Variants in CST3 observed in about 807,000 individuals in gnomAD.
CST3 encodes the protein cystatin C.
A neutral mutation model predicts 9.0 loss-of-function variants in CST3; 14 were observed. That is an observed-to-expected ratio of 1.56 (90% CI 1.03 to 2.44). The LOEUF is 2.44. Among genes scored for constraint, CST3 ranks in the 30% most tolerant of loss-of-function variants. The pLI, the probability that CST3 is intolerant of heterozygous loss-of-function variation, is 0.00. For missense variants in CST3, 237 were observed against 204.3 expected (o/e 1.16, Z -0.98); for synonymous variants, 96 against 90.2 (o/e 1.06, Z -0.37).
At chr20:23,634,381 AG>A (rs1979577647) in intron 2 of CST3, among the ~76,000 whole-genome samples, 2 of 152,168 alleles carry the variant, frequency 1.3e-5, no homozygotes, top group Admixed American at 1.3e-4. Context: ...GAAGGGCGAG[AG>A]GGAAGAACCC....
rs576640285 is a variant in CST3, at chr20:23,627,437, G to A, written c.*2031C>T. The A allele has an allele frequency of 9.2e-5, 14 of 152,062 alleles. No homozygotes were observed. The South Asian group carries it at 1.0e-3, about 11-fold the overall frequency. The allele number at this position is 152,062 out of a possible 1,614,324, so 9.4% of individuals were successfully genotyped here. On this transcript the variant is annotated 3_prime_UTR_variant, in exon 4 of 4. Coordinates refer to the CST3 transcript ENST00000398411. ...AACACTATATCTTGATTATCCATTC[G>A]TCAGTTGATGGACATTTGAGGTTTT...
chr20:23,630,934 T>C (rs1007007548), downstream of CST3, among the ~76,000 whole-genome samples: 5 of 152,194 alleles, frequency 3.3e-5, no homozygotes, highest in Non-Finnish European at 7.3e-5. Flanking sequence ...AAATTTATTC[T>C]ACTGAATACC....
Position 23,633,865 on chromosome 20 carries a change from T to A in CST3, c.*51A>T. Reference sequence around the variant, plus strand: ...AGTCCAGGGGTGGGAATACAGGGGGTGGGAGGTGTGCATAAGAGGTGATAG... The same window carrying A: ...AGTCCAGGGGTGGGAATACAGGGGGAGGGAGGTGTGCATAAGAGGTGATAG... On this transcript the variant is annotated 3_prime_UTR_variant, in exon 3 of 3. Transcript: ENST00000376925. The A allele has an allele frequency of 6.8e-7, 1 of 1,460,148 alleles. No individual in the cohort carries two copies. 90.4% of individuals were successfully genotyped at this position (1,460,148 alleles called of 1,614,324 possible). A position where few individuals can be genotyped will look rare whatever the true frequency, so the allele number is the denominator to read the frequency against.
chr20:23,636,467 A>G (rs1218930461), intron 1 of CST3, among the ~76,000 whole-genome samples: 2 of 152,266 alleles, frequency 1.3e-5, no homozygotes, highest in African/African-American at 4.8e-5. Flanking sequence ...GCTCCACCCC[A>G]GCAGGGACTC....
chr20:23,637,622 G>C lies in CST3; in HGVS notation c.241C>G (p.Gln81Glu). Residue 81 changes from glutamine to glutamate, a missense_variant and splice_region_variant, in exon 1 of 3, where the codon CAG (glutamine) becomes GAG (glutamate). Coordinates refer to ENST00000376925, the MANE Select transcript of CST3 (RefSeq NM_000099.4). ...ACCCTGCGGGGGGCGGCACGCACCT[G>C]CTTGCGGGCGCGCACCACCTGCAGC... Reference protein sequence around the residue: ...RALQVVRARKQIVAGVNYFLD... With the variant: ...RALQVVRARKEIVAGVNYFLD... 6.6e-7 allele frequency: 1 copy of C among 1,519,126 alleles called. No homozygotes were observed. The highest frequency in any genetic ancestry group is 8.8e-7 in the Non-Finnish European group (1 of 1,134,394). The allele number at this position is 1,519,126 out of a possible 1,614,324, so 94.1% of individuals were successfully genotyped here.
At chr20:23,627,996 A>G (rs1248410722) in exon 4 of CST3, 3 of 152,148 alleles carry the variant, frequency 2.0e-5, no homozygotes, top group Non-Finnish European at 4.4e-5. Context: ...ATATGTTCTG[A>G]ATACAAGTTC....
intron 1 of CST3, among the ~76,000 whole-genome samples, chr20:23,636,126 A>T (rs545080153): frequency 6.6e-6 from 1 of 152,174 alleles, no homozygotes; most frequent in Admixed American, 6.5e-5. Flanking sequence ...ACGATCTACA[A>T]TGCCCCATGC....
Position 23,637,650 on chromosome 20 carries a change from G to A in CST3, c.213C>T (p.Arg71=), listed in dbSNP as rs1296269237. 2.6e-6 allele frequency: 4 copies of A among 1,527,888 alleles called. No homozygotes were observed. In the East Asian group the frequency reaches 1.1e-4, roughly 40 times the overall value. The allele number at this position is 1,527,888 out of a possible 1,614,324, so 94.6% of individuals were successfully genotyped here. The change falls in exon 1 of 3, where the codon CGC becomes CGT. Residue 71 remains arginine (R), a synonymous_variant. Transcript: ENST00000376925. ...TGCGGGCGCGCACCACCTGCAGCGC[G>A]CGGCTGTGGTACATGTCGTTGCTGG... The part of the protein sequence containing the change: ...NKASNDMYHS[R]ALQVVRARKQ...
downstream of CST3, among the ~76,000 whole-genome samples, chr20:23,632,695 C>A (rs1200316581): frequency 2.0e-5 from 3 of 152,184 alleles, no homozygotes; most frequent in African/African-American, 7.2e-5. Context: ...GGGGTCAGTG[C>A]AGCTCCGAGG....
chr20:23,636,657 G>C (rs977968688), intron 1 of CST3, among the ~76,000 whole-genome samples: 163 of 152,320 alleles, frequency 1.1e-3, no homozygotes, highest in African/African-American at 3.5e-3. Context: ...GCATGGCCTA[G>C]ATCTCATCTT....
Position 23,637,761 on chromosome 20 carries a change from G to T in CST3, c.102C>A (p.Arg34=), listed in dbSNP as rs1476216323. The T allele has an allele frequency of 1.3e-6, 2 of 1,530,110 alleles. No individual in the cohort carries two copies. The highest frequency in any genetic ancestry group is 4.1e-5 in the Admixed American group (2 of 49,224). The allele number at this position is 1,530,110 out of a possible 1,614,324, so 94.8% of individuals were successfully genotyped here. A position where few individuals can be genotyped will look rare whatever the true frequency, so the allele number is the denominator to read the frequency against. Residue 34 remains arginine (R), a synonymous_variant, in exon 1 of 3, where the codon CGC becomes CGA. Transcript: ENST00000376925. The part of the protein sequence containing the change: ...AAGSSPGKPP[R]LVGGPMDASV... ...TGGCGTCCATGGGGCCTCCCACTAGGCGCGGCGGCTTGCCGGGACTGGAGC... is the reference window on the plus strand; with the variant it reads ...TGGCGTCCATGGGGCCTCCCACTAGTCGCGGCGGCTTGCCGGGACTGGAGC...
downstream of CST3, chr20:23,629,016 C>T (rs1979350648): frequency 6.6e-6 from 1 of 152,294 alleles, no homozygotes; most frequent in Non-Finnish European, 1.5e-5. Context: ...CCACTTATCA[C>T]ACAGTCAAAC....
In CST3 at chr20:23,633,876, C is replaced by T; in HGVS notation, c.*40G>A. On this transcript the variant is annotated 3_prime_UTR_variant, in exon 3 of 3. Coordinates refer to ENST00000376925, the MANE Select transcript of CST3 (RefSeq NM_000099.4). ...GGGAATACAGGGGGTGGGAGGTGTG[C>T]ATAAGAGGTGATAGGCACAGGCCAG... The T allele has an allele frequency of 6.5e-7, 1 of 1,532,738 alleles. No individual in the cohort carries two copies. The highest frequency in any genetic ancestry group is 9.0e-7 in the Non-Finnish European group (1 of 1,106,428). The allele number at this position is 1,532,738 out of a possible 1,614,324, so 94.9% of individuals were successfully genotyped here.
chr20:23,627,801 G>T lies in CST3; in HGVS notation c.*1667C>A, dbSNP rs943875478. ...TTATGCACGTTTTTATGCGTTTATT[G>T]GCTATTTACATATCTTCTTTGGAAA... On this transcript the variant is annotated 3_prime_UTR_variant, in exon 4 of 4. Coordinates refer to the CST3 transcript ENST00000398411. 4 of 151,950 alleles carry T rather than the reference G, an allele frequency of 2.6e-5. 1 individual carries two copies. The South Asian group carries it at 8.3e-4, about 32-fold the overall frequency. The allele number at this position is 151,950 out of a possible 1,614,324, so 9.4% of individuals were successfully genotyped here.
downstream of CST3, among the ~76,000 whole-genome samples, chr20:23,630,249 T>G (rs536916627): frequency 4.6e-5 from 7 of 152,278 alleles, no homozygotes; most frequent in Admixed American, 3.9e-4. Flanking sequence ...AGTGACGCCA[T>G]GTACAGCCAA....
At chr20:23,630,221 T>C (rs1202293373), downstream of CST3, among the ~76,000 whole-genome samples, 2 of 152,198 alleles carry the variant, frequency 1.3e-5, no homozygotes, top group Non-Finnish European at 2.9e-5. Flanking sequence ...GGGATTGCCA[T>C]GTGCAGCCAG....
exon 4 of CST3, chr20:23,627,811 A>C (rs748802916): frequency 6.6e-6 from 1 of 152,172 alleles, no homozygotes; most frequent in South Asian, 2.1e-4. Context: ...GGCTATTTAC[A>C]TATCTTCTTT....
chr20:23,636,206 G>C (rs1406184552), intron 1 of CST3, among the ~76,000 whole-genome samples: 1 of 152,208 alleles, frequency 6.6e-6, no homozygotes, highest in Non-Finnish European at 1.5e-5. Flanking sequence ...TCCTGTGCAG[G>C]GAGAGGGCCC....
At chr20:23,635,148 G>A (rs6138022) in intron 2 of CST3, 106 bp downstream of exon 2, 1 of 983,700 alleles carries the variant, frequency 1.0e-6, no homozygotes, top group South Asian at 1.3e-5. Context: ...CACACACTCA[G>A]GCACATGCAC....
Sources: allele counts gnomAD v4.1 joint callset (sites outside exome capture counted in the v4.1 genomes callset), GRCh38; gene constraint gnomAD v4.1.1; transcripts MANE v1.5; gene names NCBI Gene and HGNC (gene_info 2026-07-23, HGNC 2026-07-21).